Variants in CYP46A1 observed in about 807,000 individuals in gnomAD.
CYP46A1 encodes the protein cytochrome P450 family 46 subfamily A member 1.
Under a neutral mutation model 63.3 loss-of-function variants are expected in CYP46A1, and 20 were observed. That is an observed-to-expected ratio of 0.32 (90% CI 0.22 to 0.46). The LOEUF is 0.46. Among genes scored for constraint, CYP46A1 ranks in the 20% least tolerant of loss-of-function variants. The pLI, the probability that CYP46A1 is intolerant of heterozygous loss-of-function variation, is 1.00. For synonymous variants in CYP46A1, 268 were observed against 273.6 expected, an observed-to-expected ratio of 0.98 and a Z score of 0.20; for missense variants, 445 against 670.8, an observed-to-expected ratio of 0.66 and a Z score of 3.72.
intron 3 of CYP46A1, among the ~76,000 whole-genome samples, chr14:99,697,612 A>C (rs1156550794): frequency 6.6e-6 from 1 of 152,158 alleles, no homozygotes; most frequent in Non-Finnish European, 1.5e-5. Context: ...TAGACATTTC[A>C]TACATTTCCC....
intron 1 of CYP46A1, among the ~76,000 whole-genome samples, chr14:99,686,358 A>G (rs537252044): frequency 2.8e-4 from 43 of 152,328 alleles, no homozygotes; most frequent in African/African-American, 9.6e-4. Flanking sequence ...TTGAAATGTA[A>G]CTTGCATTCC....
chr14:99,719,273 G>A (rs2056821279), intron 10 of CYP46A1, among the ~76,000 whole-genome samples: 3 of 152,070 alleles, frequency 2.0e-5, no homozygotes, highest in Admixed American at 2.0e-4. Flanking sequence ...AGGCTGGAGT[G>A]CAGTCTCAGC....
chr14:99,690,502 AG>A (rs2140112688), intron 1 of CYP46A1, among the ~76,000 whole-genome samples: 1 of 152,356 alleles, frequency 6.6e-6, no homozygotes, highest in South Asian at 2.1e-4. Flanking sequence ...TACAGGAGAC[AG>A]GAAGTCATGG....
intron 10 of CYP46A1, 92 bp downstream of exon 10, chr14:99,718,218 C>T: frequency 1.9e-6 from 2 of 1,052,210 alleles, no homozygotes; most frequent in Non-Finnish European, 2.9e-6. Context: ...GTTGAGTCCC[C>T]TCAACATGCC....
At chr14:99,691,379 C>T in intron 2 of CYP46A1, 1 of 597,950 alleles carries the variant, frequency 1.7e-6, no homozygotes. Flanking sequence ...CCGTCAGAAG[C>T]TCTCTGAGCC....
chr14:99,715,475 C>G (rs1368037641), intron 7 of CYP46A1, among the ~76,000 whole-genome samples: 2 of 152,130 alleles, frequency 1.3e-5, no homozygotes, highest in Non-Finnish European at 2.9e-5. Flanking sequence ...TGATCGCACT[C>G]TACTTCCCAC....
At chr14:99,716,284 A>AT (rs2056789792) in intron 9 of CYP46A1, 85 bp downstream of exon 9, 3 of 1,478,156 alleles carry the variant, frequency 2.0e-6, no homozygotes, top group Non-Finnish European at 2.8e-6. Context: ...ACTCTTTGGG[A>AT]TTTTTTGGGC....
chr14:99,691,419 G>T, intron 2 of CYP46A1: 1 of 588,402 alleles, frequency 1.7e-6, no homozygotes, highest in Non-Finnish European at 3.0e-6. Flanking sequence ...ACTGGGTGGG[G>T]GGGTGTGACC....
Position 99,726,755 on chromosome 14 carries a change from T to C in CYP46A1, c.*28T>C. On this transcript the variant is annotated 3_prime_UTR_variant, in exon 15 of 15. Transcript: ENST00000261835. ...GGGCCTCCAGGCAGGACGAGACTCC[T>C]CGGGCAAGGGCCGTGCCCGCCCACC... is the stretch of plus-strand genomic sequence containing the variant. The C allele has an allele frequency of 6.7e-7, 1 of 1,481,856 alleles. No homozygotes were observed. 91.8% of individuals were successfully genotyped at this position (1,481,856 alleles called of 1,614,324 possible).
At chr14:99,713,085 GA>G (rs1335077290) in intron 7 of CYP46A1, 3 of 152,168 alleles carry the variant, frequency 2.0e-5, no homozygotes, top group Non-Finnish European at 2.9e-5. Context: ...TCTAAATGCA[GA>G]AGAATTAAAC....
chr14:99,701,961 G>A (rs7148504), intron 5 of CYP46A1, among the ~76,000 whole-genome samples: 1 of 151,418 alleles, frequency 6.6e-6, no homozygotes, highest in African/African-American at 2.4e-5. Context: ...TCCCAGCTAC[G>A]CGGGAGGCTA....
intron 10 of CYP46A1, among the ~76,000 whole-genome samples, chr14:99,720,187 G>A (rs940813295): frequency 5.3e-5 from 8 of 152,314 alleles, no homozygotes; most frequent in African/African-American, 1.9e-4. Context: ...GAATAATGCT[G>A]CTATGAGGAT....
chr14:99,715,422 C>A (rs1335359236), intron 7 of CYP46A1, among the ~76,000 whole-genome samples: 1 of 152,170 alleles, frequency 6.6e-6, no homozygotes, highest in East Asian at 1.9e-4. Context: ...GACTTCGGCC[C>A]CTGAGCTTGC....
In CYP46A1 at chr14:99,716,162, G is replaced by C. The variant is rs2140135034; in HGVS notation, c.870G>C (p.Glu290Asp). 6.2e-7 allele frequency: 1 copy of C among 1,614,248 alleles called. No individual in the cohort carries two copies. The highest frequency in any genetic ancestry group is 1.7e-5 in the Admixed American group (1 of 60,030). The stretch of plus-strand genomic sequence containing the variant: ...CTGAAGAGGGAGCCCAGGACGACGA[G>C]GGTCTGCTGGACAACTTCGTCACCT... Reference protein sequence around the residue: ...LKAEEGAQDDEGLLDNFVTFF... With the variant: ...LKAEEGAQDDDGLLDNFVTFF... The change falls in exon 9 of 15, where the codon GAG (glutamate) becomes GAC (aspartate). Residue 290 changes from glutamate to aspartate, a missense_variant. Around this residue, in one of 4 missense-constraint regions of CYP46A1, gnomAD observed 13 missense variants for 50.5 expected, o/e 0.26. Transcript: ENST00000261835.
At chr14:99,712,382 A>G (rs1412131203) in intron 7 of CYP46A1, 2 of 152,218 alleles carry the variant, frequency 1.3e-5, no homozygotes, top group African/African-American at 4.8e-5. Flanking sequence ...ATGATCTTAT[A>G]TTTAGAAATT....
chr14:99,698,000 T>C (rs2056600147), intron 3 of CYP46A1, among the ~76,000 whole-genome samples: 1 of 152,090 alleles, frequency 6.6e-6, no homozygotes, highest in African/African-American at 2.4e-5. Flanking sequence ...GGGACAGAAC[T>C]TGGGTTACAA....
chr14:99,689,529 G>A (rs1029522963), intron 1 of CYP46A1, among the ~76,000 whole-genome samples: 1 of 152,110 alleles, frequency 6.6e-6, no homozygotes. Flanking sequence ...AGCCAGAGAC[G>A]GCCCTGGCAA....
At chr14:99,690,027 C>T (rs992027881) in intron 1 of CYP46A1, among the ~76,000 whole-genome samples, 2 of 152,242 alleles carry the variant, frequency 1.3e-5, no homozygotes, top group Non-Finnish European at 2.9e-5. Context: ...CCGAGCCACA[C>T]TGGCTTCCTC....
In CYP46A1 at chr14:99,706,753, C is replaced by A; in HGVS notation, c.550C>A (p.Leu184Met). 1 of 1,613,346 alleles carries A rather than the reference C, an allele frequency of 6.2e-7. No individual in the cohort carries two copies. The highest frequency in any genetic ancestry group is 8.5e-7 in the Non-Finnish European group (1 of 1,179,964). Residue 184 changes from leucine (L) to methionine (M), a missense_variant, in exon 6 of 15, where the codon CTG becomes ATG. Leu to Met is a conservative substitution (Grantham distance 15). Around this residue, in one of 4 missense-constraint regions of CYP46A1, gnomAD observed 252 missense variants for 383.3 expected, o/e 0.66. Transcript: ENST00000261835. ...GACCCCAGTGTCCATGCAGGACATG[C>A]TGACCTACACCGCCATGGACATCCT... ...GQTPVSMQDMLTYTAMDILAK... is the reference protein window; with the variant it reads ...GQTPVSMQDMMTYTAMDILAK...
Sources: allele counts gnomAD v4.1 joint callset (sites outside exome capture counted in the v4.1 genomes callset), GRCh38; gene constraint gnomAD v4.1.1; regional missense constraint gnomAD v4.1.1; transcripts MANE v1.5; gene names NCBI Gene and HGNC (gene_info 2026-07-23, HGNC 2026-07-21).